Variants in ALK observed in about 807,000 individuals in gnomAD.
The protein encoded by ALK is ALK receptor tyrosine kinase, also known as ALK tyrosine kinase receptor.
ALK carries 74 observed loss-of-function variants against 163.1 expected under a neutral mutation model. The observed-to-expected ratio is 0.45, with a 90% CI of 0.38 to 0.55. ALK has a LOEUF of 0.55. Among genes scored for constraint, ALK ranks in the 20% least tolerant of loss-of-function variants. ALK has a pLI of 0.00. For missense variants in ALK, 2,063 were observed against 2,105.3 expected, an observed-to-expected ratio of 0.98 and a Z score of 0.39; for synonymous variants, 960 against 843.2, an observed-to-expected ratio of 1.14 and a Z score of -2.40.
intron 4 of ALK, among the ~76,000 whole-genome samples, chr2:29,398,831 C>G (rs1366426034): frequency 6.6e-6 from 1 of 152,194 alleles, no homozygotes; most frequent in Non-Finnish European, 1.5e-5. Context: ...GTTCTGCTGA[C>G]AGCTCAGAGC....
chr2:29,792,762 C>G (rs1664218667), intron 1 of ALK, among the ~76,000 whole-genome samples: 2 of 151,534 alleles, frequency 1.3e-5, no homozygotes, highest in South Asian at 4.2e-4. Context: ...TTACACTACA[C>G]TTAGACTATT....
At chr2:29,831,711 G>A (rs77881518) in intron 1 of ALK, among the ~76,000 whole-genome samples, 1,895 of 152,208 alleles carry the variant, frequency 0.012, 18 homozygotes, top group Middle Eastern at 0.031. Flanking sequence ...ACCTGTCTAG[G>A]CTATAGTTTC....
At chr2:29,334,141 C>T (rs1402813372) in intron 5 of ALK, among the ~76,000 whole-genome samples, 1 of 152,130 alleles carries the variant, frequency 6.6e-6, no homozygotes, top group Non-Finnish European at 1.5e-5. Context: ...ATGGATTCTC[C>T]CCTCCATGAA....
intron 1 of ALK, among the ~76,000 whole-genome samples, chr2:29,894,337 T>G (rs535461417): frequency 6.6e-6 from 1 of 152,208 alleles, no homozygotes; most frequent in South Asian, 2.1e-4. Flanking sequence ...AGTCCTGAGC[T>G]CCTGCTCCAC....
intron 11 of ALK, among the ~76,000 whole-genome samples, chr2:29,252,833 TTA>T (rs1310059588): frequency 0.011 from 1,557 of 145,630 alleles, 24 homozygotes; most frequent in African/African-American, 0.041. Context: ...GATTTTTTAT[TTA>T]TTTTTTTTTA....
intron 1 of ALK, among the ~76,000 whole-genome samples, chr2:29,880,793 G>A (rs1010305531): frequency 1.3e-5 from 2 of 152,170 alleles, no homozygotes; most frequent in African/African-American, 4.8e-5. Context: ...GAGCAACCAT[G>A]GGGCTATAGC....
chr2:29,422,576 G>A (rs1670040713), intron 4 of ALK, among the ~76,000 whole-genome samples: 1 of 152,184 alleles, frequency 6.6e-6, no homozygotes, highest in Non-Finnish European at 1.5e-5. Context: ...TCTATTTTCT[G>A]TCTTCTCTAA....
At chr2:29,451,215 C>G (rs1670812763) in intron 4 of ALK, among the ~76,000 whole-genome samples, 1 of 152,164 alleles carries the variant, frequency 6.6e-6, no homozygotes, top group Non-Finnish European at 1.5e-5. Flanking sequence ...GGAATGACCT[C>G]ACACCTGCTC....
intron 5 of ALK, among the ~76,000 whole-genome samples, chr2:29,360,002 AG>A (rs1381420670): frequency 6.6e-6 from 1 of 152,206 alleles, no homozygotes; most frequent in African/African-American, 2.4e-5. Context: ...AGGGGTACTC[AG>A]TAGAAGTGGG....
At chr2:29,320,669 G>A (rs1485113317) in intron 7 of ALK, 82 bp downstream of exon 7, 4 of 1,597,598 alleles carry the variant, frequency 2.5e-6, no homozygotes, top group Non-Finnish European at 3.4e-6. Context: ...TGCAGGTGGG[G>A]TGAAGTCCAG....
At chr2:29,595,841 A>C (rs1403676900) in intron 3 of ALK, among the ~76,000 whole-genome samples, 1 of 152,206 alleles carries the variant, frequency 6.6e-6, no homozygotes, top group Non-Finnish European at 1.5e-5. Flanking sequence ...CACAGGGAAT[A>C]AGTTTTCTGA....
chr2:29,512,511 GCTAT>G (rs1222551217), intron 4 of ALK, among the ~76,000 whole-genome samples: 1 of 148,348 alleles, frequency 6.7e-6, no homozygotes, highest in Non-Finnish European at 1.5e-5. Context: ...AATAATAAGA[GCTAT>G]CTATGACAAA....
At chr2:29,843,574 T>C (rs1665755764) in intron 1 of ALK, among the ~76,000 whole-genome samples, 1 of 152,204 alleles carries the variant, frequency 6.6e-6, no homozygotes, top group South Asian at 2.1e-4. Context: ...GGCAGAGTGA[T>C]GTCCAAGTTC....
chr2:29,612,866 G>C (rs1675735476), intron 3 of ALK, among the ~76,000 whole-genome samples: 1 of 152,158 alleles, frequency 6.6e-6, no homozygotes, highest in Non-Finnish European at 1.5e-5. Flanking sequence ...TCTTGCTGTA[G>C]TACCTTCGGA....
At chr2:29,842,884 T>C (rs1665738262) in intron 1 of ALK, among the ~76,000 whole-genome samples, 1 of 152,168 alleles carries the variant, frequency 6.6e-6, no homozygotes. Context: ...ACTATAGGCT[T>C]CCCATCTTCC....
intron 8 of ALK, 149 bp downstream of exon 8, chr2:29,318,155 C>T: frequency 1.4e-6 from 1 of 709,518 alleles, no homozygotes; most frequent in Non-Finnish European, 2.6e-6. Flanking sequence ...TGGACATGCT[C>T]TGCCTCGAAG....
intron 1 of ALK, among the ~76,000 whole-genome samples, chr2:29,751,203 G>A (rs1429040706): frequency 1.3e-5 from 2 of 152,200 alleles, no homozygotes; most frequent in Non-Finnish European, 2.9e-5. Flanking sequence ...GTTGCTTTGG[G>A]TGAGTCAGTA....
chr2:29,852,492 C>T (rs1382832485), intron 1 of ALK, among the ~76,000 whole-genome samples: 1 of 152,216 alleles, frequency 6.6e-6, no homozygotes, highest in African/African-American at 2.4e-5. Flanking sequence ...CCCTCCATGC[C>T]ATGAGACAGA....
intron 13 of ALK, among the ~76,000 whole-genome samples, chr2:29,238,728 T>C (rs1664444963): frequency 6.6e-6 from 1 of 152,288 alleles, no homozygotes; most frequent in African/African-American, 2.4e-5. Flanking sequence ...CTGCCCTCTG[T>C]TCCTGGCCCA....
Sources: gnomAD v4.1 joint callset for allele counts (sites outside exome capture counted in the v4.1 genomes callset) on GRCh38, gnomAD v4.1.1 for gene constraint, MANE v1.5 for transcripts, NCBI Gene and HGNC (gene_info 2026-07-23, HGNC 2026-07-21) for gene names.